Variants in EXOC6B observed in about 807,000 individuals in gnomAD.
EXOC6B encodes SEC15 homolog B.
In EXOC6B, 54 loss-of-function variants were observed where a neutral mutation model predicts 113.5. That is an observed-to-expected ratio of 0.48 (90% CI 0.38 to 0.60). The LOEUF is 0.60. EXOC6B is among the 20% of genes least tolerant of loss of function. The pLI, the probability that EXOC6B is intolerant of heterozygous loss-of-function variation, is 0.00. For synonymous variants in EXOC6B, 357 were observed against 339.0 expected (o/e 1.05, Z -0.58); for missense variants, 797 against 977.5 (o/e 0.82, Z 2.46).
chr2:72,321,350 C>T (rs867844681), intron 20 of EXOC6B, among the ~76,000 whole-genome samples: 21 of 152,020 alleles, frequency 1.4e-4, no homozygotes, highest in African/African-American at 5.1e-4. Context: ...GCCTGGTCAA[C>T]ATGGTGAAAC....
chr2:72,224,047 G>T (rs1300513029), intron 20 of EXOC6B, among the ~76,000 whole-genome samples: 1 of 151,946 alleles, frequency 6.6e-6, no homozygotes, highest in Non-Finnish European at 1.5e-5. Context: ...TTTTTTTCCA[G>T]CACCTAAACG....
At chr2:72,690,685 T>A (rs1331339129) in intron 6 of EXOC6B, among the ~76,000 whole-genome samples, 2 of 152,212 alleles carry the variant, frequency 1.3e-5, no homozygotes, top group Admixed American at 6.5e-5. Context: ...TAGTTTTTCA[T>A]GAAGTATAGG....
At chr2:72,767,816 A>AAAAAAAAAAAAAAC in intron 1 of EXOC6B, among the ~76,000 whole-genome samples, 1 of 133,962 alleles carries the variant, frequency 7.5e-6, no homozygotes, top group African/African-American at 2.7e-5. Context: ...GTTAAAAAAA[A>AAAAAAAAAAAAAAC]AAAAAAAAAA....
chr2:72,654,006 G>A (rs532197662), intron 6 of EXOC6B, among the ~76,000 whole-genome samples: 1 of 140,628 alleles, frequency 7.1e-6, no homozygotes, highest in South Asian at 2.2e-4. Flanking sequence ...GTCTTACTCT[G>A]TCGCCCAGGC....
At chr2:72,744,494 G>A (rs1044303584) in intron 1 of EXOC6B, among the ~76,000 whole-genome samples, 1 of 152,056 alleles carries the variant, frequency 6.6e-6, no homozygotes, top group South Asian at 2.1e-4. Context: ...TCTCAAATAA[G>A]CTTAACTTTT....
intron 6 of EXOC6B, among the ~76,000 whole-genome samples, chr2:72,679,944 G>A (rs893340597): frequency 6.6e-6 from 1 of 151,980 alleles, no homozygotes; most frequent in Admixed American, 6.6e-5. Context: ...ATAAAATTTG[G>A]ATGAGATTTA....
chr2:72,526,607 T>G (rs1701756831), intron 8 of EXOC6B, among the ~76,000 whole-genome samples: 1 of 151,938 alleles, frequency 6.6e-6, no homozygotes, highest in Non-Finnish European at 1.5e-5. Flanking sequence ...ATCTATTCCT[T>G]CACTCCCCTC....
Position 72,568,636 on chromosome 2 carries a change from G to T in EXOC6B, c.846+6856C>A, listed in dbSNP as rs376024395. ...AATAAGTGGACTATTTAAGTGAAGC[G>T]TATATGGATACCATATGTGTAACTT... On this transcript the variant is annotated intron_variant, in intron 7 of 21. Coordinates refer to ENST00000272427, the MANE Select transcript of EXOC6B (RefSeq NM_015189.3). Among the ~76,000 whole-genome samples, 28 of 151,998 alleles carry T rather than the reference G, an allele frequency of 1.8e-4. 1 individual carries two copies. Among genetic ancestry groups the T allele is most frequent in the Admixed American group, 1.3e-3 (20 of 15,254 alleles).
chr2:72,739,309 T>G (rs1470471443), intron 2 of EXOC6B, among the ~76,000 whole-genome samples: 1 of 152,142 alleles, frequency 6.6e-6, no homozygotes, highest in Non-Finnish European at 1.5e-5. Flanking sequence ...TTGCATTCCT[T>G]TAATTTTTTT....
chr2:72,799,593 C>G (rs1228527150), intron 1 of EXOC6B, among the ~76,000 whole-genome samples: 2 of 151,926 alleles, frequency 1.3e-5, no homozygotes, highest in Non-Finnish European at 2.9e-5. Flanking sequence ...AAAATGTGTT[C>G]TAAAGTTTTA....
chr2:72,644,123 C>A (rs1178242371), intron 6 of EXOC6B, among the ~76,000 whole-genome samples: 2 of 152,096 alleles, frequency 1.3e-5, no homozygotes, highest in Non-Finnish European at 2.9e-5. Context: ...GAGCTGAAAA[C>A]CATGGCACGA....
chr2:72,317,440 G>GA (rs1687586966), intron 20 of EXOC6B, among the ~76,000 whole-genome samples: 2 of 151,816 alleles, frequency 1.3e-5, no homozygotes, highest in Non-Finnish European at 2.9e-5. Flanking sequence ...TGGTACCTCA[G>GA]AAAAAACACA....
intron 20 of EXOC6B, among the ~76,000 whole-genome samples, chr2:72,326,684 T>C (rs1475451565): frequency 3.3e-5 from 5 of 151,968 alleles, no homozygotes; most frequent in African/African-American, 1.2e-4. Context: ...TTGTCAAAGA[T>C]TAGACTGACA....
intron 19 of EXOC6B, among the ~76,000 whole-genome samples, chr2:72,350,837 T>C (rs956555803): frequency 6.6e-6 from 1 of 152,228 alleles, no homozygotes; most frequent in African/African-American, 2.4e-5. Flanking sequence ...CTTTCCATGA[T>C]AGACTGGTGC....
intron 19 of EXOC6B, among the ~76,000 whole-genome samples, chr2:72,351,619 G>A (rs1689660718): frequency 1.3e-5 from 2 of 152,252 alleles, no homozygotes; most frequent in African/African-American, 4.8e-5. Context: ...ATACTGTAAA[G>A]TAATTTGTTT....
intron 16 of EXOC6B, among the ~76,000 whole-genome samples, chr2:72,481,439 A>G (rs996836262): frequency 1.3e-5 from 2 of 152,368 alleles, no homozygotes; most frequent in Non-Finnish European, 1.5e-5. Flanking sequence ...ATGCCTTCCA[A>G]CTAAAACATT....
At chr2:72,214,472 C>T (rs1680389184) in intron 20 of EXOC6B, among the ~76,000 whole-genome samples, 1 of 139,980 alleles carries the variant, frequency 7.1e-6, no homozygotes, top group African/African-American at 2.9e-5. Flanking sequence ...GCCTGGGCGA[C>T]TGAGTGAGAC....
chr2:72,571,302 C>G (rs1461681276), intron 7 of EXOC6B, among the ~76,000 whole-genome samples: 1 of 152,012 alleles, frequency 6.6e-6, no homozygotes, highest in East Asian at 1.9e-4. Context: ...GTAATCCCAG[C>G]ATTTTGGGAA....
At chr2:72,594,847 AG>A (rs1171012099) in intron 6 of EXOC6B, among the ~76,000 whole-genome samples, 1 of 152,254 alleles carries the variant, frequency 6.6e-6, no homozygotes, top group African/African-American at 2.4e-5. Context: ...CATTTTCAAA[AG>A]GATGATTCAA....
Sources: gnomAD v4.1 joint callset for allele counts (sites outside exome capture counted in the v4.1 genomes callset) on GRCh38, gnomAD v4.1.1 for gene constraint, MANE v1.5 for transcripts, NCBI Gene and HGNC (gene_info 2026-07-23, HGNC 2026-07-21) for gene names.